Variants in ZNF521 observed in about 807,000 individuals in gnomAD.
The protein encoded by ZNF521 is zinc finger protein 521.
In ZNF521, 14 loss-of-function variants were observed where a neutral mutation model predicts 105.5. That is an observed-to-expected ratio of 0.13 (90% CI 0.09 to 0.21). ZNF521 has a LOEUF of 0.21. ZNF521 is among the 10% of genes least tolerant of loss of function. The pLI is 1.00. For synonymous variants in ZNF521, 635 were observed against 606.0 expected, an observed-to-expected ratio of 1.05 and a Z score of -0.70; for missense variants, 1,233 against 1,629.7, an observed-to-expected ratio of 0.76 and a Z score of 4.19.
chr18:25,271,013 A>AT (rs1909624701), intron 3 of ZNF521, among the ~76,000 whole-genome samples: 1 of 152,204 alleles, frequency 6.6e-6, no homozygotes, highest in Non-Finnish European at 1.5e-5. Context: ...ATGAATGTAT[A>AT]TTTAGAAAAC....
chr18:25,177,940 T>C (rs1457586873), intron 5 of ZNF521, among the ~76,000 whole-genome samples: 5 of 152,216 alleles, frequency 3.3e-5, no homozygotes, highest in African/African-American at 1.2e-4. Context: ...CATGTTTCAA[T>C]TCCCTTTGCC....
intron 5 of ZNF521, among the ~76,000 whole-genome samples, chr18:25,138,532 G>C (rs1169543681): frequency 1.3e-5 from 2 of 151,046 alleles, no homozygotes; most frequent in Admixed American, 6.6e-5. Context: ...GGGTGGGGAG[G>C]ACAGAGCTCA....
chr18:25,314,938 G>C (rs1287566654), intron 3 of ZNF521, among the ~76,000 whole-genome samples: 1 of 152,174 alleles, frequency 6.6e-6, no homozygotes, highest in Non-Finnish European at 1.5e-5. Flanking sequence ...TTCTTACTCA[G>C]TTTTGTAAGC....
chr18:25,330,121 G>A (rs1913478716), intron 2 of ZNF521, among the ~76,000 whole-genome samples: 1 of 152,040 alleles, frequency 6.6e-6, no homozygotes, highest in Non-Finnish European at 1.5e-5. Flanking sequence ...AAGTGCCAAA[G>A]CTGGAGAAAA....
chr18:25,331,996 C>T (rs1205186634), intron 2 of ZNF521, among the ~76,000 whole-genome samples: 8 of 149,396 alleles, frequency 5.4e-5, no homozygotes, highest in Non-Finnish European at 1.0e-4. Context: ...CAAAATTAAT[C>T]GAAACATTTT....
chr18:25,338,584 T>C (rs1004293229), intron 2 of ZNF521, among the ~76,000 whole-genome samples: 1 of 152,030 alleles, frequency 6.6e-6, no homozygotes, highest in Non-Finnish European at 1.5e-5. Context: ...ACTAATTTCT[T>C]ATATTTTGGT....
At chr18:25,096,264 C>T (rs1005148373) in intron 5 of ZNF521, among the ~76,000 whole-genome samples, 2 of 152,146 alleles carry the variant, frequency 1.3e-5, no homozygotes, top group East Asian at 1.9e-4. Flanking sequence ...TAGTAGGAAA[C>T]GTGCTAATCA....
chr18:25,153,469 C>T (rs1489779647), intron 5 of ZNF521, among the ~76,000 whole-genome samples: 1 of 152,150 alleles, frequency 6.6e-6, no homozygotes, highest in African/African-American at 2.4e-5. Context: ...AAGCTCGTCC[C>T]ACTCTGATTT....
At chr18:25,284,612 G>T (rs1910581512) in intron 3 of ZNF521, among the ~76,000 whole-genome samples, 1 of 152,124 alleles carries the variant, frequency 6.6e-6, no homozygotes, top group African/African-American at 2.4e-5. Flanking sequence ...CTTCAATAAA[G>T]CAGTGAGAGT....
At chr18:25,346,531 CT>C (rs1265781812) in intron 2 of ZNF521, among the ~76,000 whole-genome samples, 1 of 152,154 alleles carries the variant, frequency 6.6e-6, no homozygotes, top group Non-Finnish European at 1.5e-5. Flanking sequence ...AATCCATTGC[CT>C]TTACATTCAA....
chr18:25,330,637 CTAA>C (rs1913514324), intron 2 of ZNF521, among the ~76,000 whole-genome samples: 1 of 152,164 alleles, frequency 6.6e-6, no homozygotes, highest in Admixed American at 6.5e-5. Context: ...GACATTGATT[CTAA>C]TATCTCTTTC....
chr18:25,126,615 T>C (rs559717339), intron 5 of ZNF521, among the ~76,000 whole-genome samples: 2 of 152,202 alleles, frequency 1.3e-5, no homozygotes, highest in Admixed American at 6.6e-5. Context: ...AAGGACTGAA[T>C]AGGAGCCACA....
At chr18:25,285,366 T>C (rs1910640627) in intron 3 of ZNF521, among the ~76,000 whole-genome samples, 1 of 152,244 alleles carries the variant, frequency 6.6e-6, no homozygotes. Flanking sequence ...AGAAATCTGC[T>C]GAATTCAAAG....
intron 2 of ZNF521, among the ~76,000 whole-genome samples, chr18:25,340,850 T>C (rs1914160183): frequency 6.6e-6 from 1 of 151,928 alleles, no homozygotes; most frequent in African/African-American, 2.4e-5. Flanking sequence ...CATACTGGGT[T>C]TTAAATATGC....
At chr18:25,176,655 A>G (rs2035539981) in intron 5 of ZNF521, among the ~76,000 whole-genome samples, 1 of 152,228 alleles carries the variant, frequency 6.6e-6, no homozygotes, top group African/African-American at 2.4e-5. Context: ...GCTTTAATTT[A>G]AATGAATTCC....
intron 3 of ZNF521, among the ~76,000 whole-genome samples, chr18:25,265,710 C>T (rs78209425): frequency 0.015 from 2,262 of 152,270 alleles, 60 homozygotes; most frequent in African/African-American, 0.052. Context: ...AGAAAGGAAT[C>T]AGTAAATCAA....
chr18:25,138,959 T>C (rs2034789953), intron 5 of ZNF521, among the ~76,000 whole-genome samples: 1 of 152,162 alleles, frequency 6.6e-6, no homozygotes, highest in Admixed American at 6.6e-5. Context: ...TGGTTGGGTT[T>C]TAGCTGCTGG....
At chr18:25,165,754 A>C (rs894695223) in intron 5 of ZNF521, among the ~76,000 whole-genome samples, 6 of 152,360 alleles carry the variant, frequency 3.9e-5, no homozygotes, top group Middle Eastern at 3.4e-3. Flanking sequence ...CTTTGAAAAC[A>C]CACTGTAGAA....
At chr18:25,149,724 C>G (rs2035010440) in intron 5 of ZNF521, among the ~76,000 whole-genome samples, 1 of 152,174 alleles carries the variant, frequency 6.6e-6, no homozygotes, top group Admixed American at 6.5e-5. Flanking sequence ...GGGGCCACAG[C>G]TAAAGTGAAG....
Sources: allele counts gnomAD v4.1 joint callset (sites outside exome capture counted in the v4.1 genomes callset), GRCh38; gene constraint gnomAD v4.1.1; transcripts MANE v1.5; gene names NCBI Gene and HGNC (gene_info 2026-07-23, HGNC 2026-07-21).